The following RPIA variants were observed in gnomAD, a reference collection of about 807,000 sequenced individuals.
RPIA encodes ribose-5-phosphate isomerase.
RPIA carries 29 observed loss-of-function variants against 37.8 expected under a neutral mutation model. The observed-to-expected ratio is 0.77, with a 90% CI of 0.57 to 1.05. RPIA has a LOEUF of 1.05. Ranked by LOEUF, RPIA falls within the 50% of genes least tolerant of loss-of-function variation. The probability of loss-of-function intolerance (pLI) is 0.00; values close to 1 mark genes in which losing one functional copy is unlikely to be tolerated. For synonymous variants in RPIA, 167 were observed against 157.0 expected (o/e 1.06, Z -0.48); for missense variants, 385 against 413.6 (o/e 0.93, Z 0.60).
rs1673335945 is a variant in RPIA, at chr2:88,737,978, G to T, written c.740G>T (p.Gly247Val). 1.2e-6 allele frequency: 2 copies of T among 1,611,878 alleles called. No individual in the cohort carries two copies. The highest frequency in any genetic ancestry group is 1.7e-6 in the Non-Finnish European group (2 of 1,178,134). ...VELRMAVNKA[G>V]PVVTDNGNFI... ...TCACTGTGGAAAATTATCTTCTAGG[G>T]TCCTGTGGTGACAGATAATGGGAAT... Residue 247 changes from glycine to valine, a missense_variant and splice_region_variant, in exon 8 of 9, where the codon GGT becomes GTT. By Grantham distance (109) the Gly-to-Val change is moderately radical (BLOSUM62 -3). This residue lies in a region of RPIA where 153 missense variants were observed against 210.6 expected (regional missense o/e 0.73). Coordinates refer to ENST00000283646, the MANE Select transcript of RPIA (RefSeq NM_144563.3).
chr2:88,750,532 C>T lies in RPIA; in HGVS notation c.*454C>T. On this transcript the variant is annotated 3_prime_UTR_variant, in exon 9 of 9. Coordinates refer to ENST00000283646, the MANE Select transcript of RPIA (RefSeq NM_144563.3). ...CTTACTGGAAACTTTGTTTACTTGT[C>T]TGCTACCCTCTGATTTGTTTTTAGT... is the stretch of plus-strand genomic sequence containing the variant. 1 of 417,700 alleles carries T rather than the reference C, an allele frequency of 2.4e-6. No individual in the cohort carries two copies. Among genetic ancestry groups the T allele is most frequent in the Non-Finnish European group, 4.2e-6 (1 of 236,908 alleles). The allele number at this position is 417,700 out of a possible 1,614,324, so 25.9% of individuals were successfully genotyped here.
intron 3 of RPIA, among the ~76,000 whole-genome samples, chr2:88,710,694 G>A (rs765087795): frequency 4.6e-5 from 7 of 152,162 alleles, no homozygotes; most frequent in Non-Finnish European, 8.8e-5. Flanking sequence ...AAGATGAGGT[G>A]CTATAATTTT....
At chr2:88,747,385 G>GC (rs1673450391) in intron 8 of RPIA, among the ~76,000 whole-genome samples, 1 of 152,158 alleles carries the variant, frequency 6.6e-6, no homozygotes, top group South Asian at 2.1e-4. Flanking sequence ...CTCAGGCCTC[G>GC]CCCCTCCCTG....
intron 3 of RPIA, among the ~76,000 whole-genome samples, chr2:88,710,899 C>T (rs1203156784): frequency 6.6e-6 from 1 of 152,218 alleles, no homozygotes; most frequent in African/African-American, 2.4e-5. Flanking sequence ...TCTGCTCACC[C>T]CTGAGCTGGT....
rs374258361 is a variant in RPIA at position 88,691,841 on chromosome 2, A to G, written c.143A>G (p.Gln48Arg). The G allele has an allele frequency of 1.6e-5, 25 of 1,599,154 alleles. No individual in the cohort carries two copies. Among genetic ancestry groups the G allele is most frequent in the Non-Finnish European group, 1.6e-5 (19 of 1,174,476 alleles). ...CACGTGCGGCTGCCGGGGCGTGCAC[A>G]GTCTGGGACCCGTGGCGGTGCTGGC... Reference protein sequence around the residue: ...GSHVRLPGRAQSGTRGGAGNT... With the variant: ...GSHVRLPGRARSGTRGGAGNT... Residue 48 changes from glutamine to arginine, a missense_variant, in exon 1 of 9, where the codon CAG becomes CGG. Physicochemically the swap from Gln to Arg is conservative, Grantham distance 43. This residue lies in a region of RPIA where 232 missense variants were observed against 203.0 expected (regional missense o/e 1.14). Transcript: ENST00000283646.
At chr2:88,738,980 T>C (rs17037558) in intron 8 of RPIA, among the ~76,000 whole-genome samples, 9,779 of 152,126 alleles carry the variant, frequency 0.064, 559 homozygotes, top group African/African-American at 0.15. Flanking sequence ...CTTGGGGAGC[T>C]TCTAATGCAG....
At chr2:88,734,407 T>C (rs1673290190) in intron 4 of RPIA, 145 bp from the exon 5 acceptor site, 4 of 770,286 alleles carry the variant, frequency 5.2e-6, no homozygotes, top group Middle Eastern at 2.5e-4. Context: ...TAACCTCTTG[T>C]AGCTCAATTT....
intron 4 of RPIA, among the ~76,000 whole-genome samples, chr2:88,732,797 A>T (rs867798260): frequency 2.0e-5 from 3 of 151,786 alleles, no homozygotes; most frequent in Admixed American, 6.6e-5. Flanking sequence ...TGTGGTAAAG[A>T]CTAACACAGG....
chr2:88,706,025 A>T (rs983225227), intron 3 of RPIA, among the ~76,000 whole-genome samples: 8 of 152,362 alleles, frequency 5.3e-5, no homozygotes, highest in Admixed American at 3.9e-4. Flanking sequence ...CATGCTGGTC[A>T]GAATGGCGAT....
chr2:88,726,172 G>A (rs1432819210), intron 3 of RPIA, among the ~76,000 whole-genome samples: 2 of 152,102 alleles, frequency 1.3e-5, no homozygotes, highest in East Asian at 1.9e-4. Context: ...AGTGCTCACC[G>A]ACCAGGCCCT....
chr2:88,728,530 A>G (rs1673225874), intron 3 of RPIA, among the ~76,000 whole-genome samples: 1 of 152,224 alleles, frequency 6.6e-6, no homozygotes, highest in Non-Finnish European at 1.5e-5. Flanking sequence ...ATTATAAGCA[A>G]TGACATGAAC....
At chr2:88,706,964 T>C (rs1028439751) in intron 3 of RPIA, among the ~76,000 whole-genome samples, 3 of 152,258 alleles carry the variant, frequency 2.0e-5, no homozygotes, top group Non-Finnish European at 2.9e-5. Flanking sequence ...TGAATTAAGC[T>C]ACATATTCTT....
Position 88,729,309 on chromosome 2 carries a change from C to A in RPIA, c.434C>A (p.Thr145Asn), listed in dbSNP as rs1286053806. The A allele has an allele frequency of 4.3e-6, 7 of 1,614,162 alleles. No homozygotes were observed. The highest frequency in any genetic ancestry group is 5.9e-6 in the Non-Finnish European group (7 of 1,180,026). The part of the protein sequence containing the change: ...ARQLILQYGL[T>N]LSDLDRHPEI... ...CAGCTCATCCTGCAGTATGGCTTGA[C>A]CCTCAGTGATCTGGATCGACACCCA... Residue 145 changes from threonine to asparagine, a missense_variant, in exon 4 of 9, where the codon ACC becomes AAC. By Grantham distance (65) the Thr-to-Asn change is moderately conservative (BLOSUM62 0). This residue lies in a region of RPIA where 232 missense variants were observed against 203.0 expected (regional missense o/e 1.14). Coordinates refer to ENST00000283646, the MANE Select transcript of RPIA (RefSeq NM_144563.3).
Position 88,750,091 on chromosome 2 carries a change from CAG to C in RPIA, c.*16_*17del. 5.7e-6 allele frequency: 9 copies of C among 1,585,300 alleles called. No homozygotes were observed. The Admixed American group carries it at 1.5e-4, about 27-fold the overall frequency. ...GCCTTTCTGTTGACCCTGCAAGGAGCAGAGTGTGTTCACCTTGAGTCTCCAGC... is the reference window on the plus strand; with the variant it reads ...GCCTTTCTGTTGACCCTGCAAGGAGCAGTGTGTTCACCTTGAGTCTCCAGC... On this transcript the variant is annotated 3_prime_UTR_variant, in exon 9 of 9. Transcript: ENST00000283646.
At chr2:88,737,438 C>T (rs930739726) in intron 7 of RPIA, among the ~76,000 whole-genome samples, 9 of 152,162 alleles carry the variant, frequency 5.9e-5, no homozygotes, top group African/African-American at 9.7e-5. Context: ...CTCTGACTGA[C>T]GTTCAGATTG....
rs1425978424 is a variant in RPIA, at chr2:88,727,711, A to ATC, written c.403-1557_403-1556dup. Among the ~76,000 whole-genome samples the ATC allele has an allele frequency of 2.0e-5, 3 of 152,154 alleles. No individual in the cohort carries two copies. The East Asian group carries it at 5.8e-4, about 29-fold the overall frequency. On this transcript the variant is annotated intron_variant, in intron 3 of 8. Transcript: ENST00000283646. ...CATCCATGTTCCTGAAAAGGACGTG[A>ATC]TCTCTCTCTCTTTTTGTTTTTAACG...
At chr2:88,701,548 C>A (rs1672831919) in intron 3 of RPIA, among the ~76,000 whole-genome samples, 1 of 152,274 alleles carries the variant, frequency 6.6e-6, no homozygotes, top group African/African-American at 2.4e-5. Flanking sequence ...ACTCTTATTA[C>A]CTCCCACCCC....
In RPIA at chr2:88,691,909, G is replaced by A; in HGVS notation, c.211G>A (p.Ala71Thr). 1.3e-6 allele frequency: 2 copies of A among 1,594,550 alleles called. No individual in the cohort carries two copies. The highest frequency in any genetic ancestry group is 1.8e-5 in the Admixed American group (1 of 56,722). The change falls in exon 1 of 9, where the codon GCC becomes ACC. Residue 71 changes from alanine (A) to threonine (T), a missense_variant. Ala to Thr is a moderately conservative substitution (Grantham distance 58). Transcript: ENST00000283646. ...SCGDSNSICP[A>T]PSTMSKAEEA... is the part of the protein sequence containing the mutation. ...CGGGGACTCCAACAGCATCTGCCCG[G>A]CCCCCTCCACGATGTCCAAGGCCGA...
chr2:88,736,712 G>A (rs771657426), intron 7 of RPIA, 36 bp downstream of exon 7: 13 of 1,593,238 alleles, frequency 8.2e-6, no homozygotes, highest in Non-Finnish European at 1.1e-5. Flanking sequence ...TGTGCTGGGT[G>A]CACTCAGGTT....
Sources: allele counts gnomAD v4.1 joint callset (sites outside exome capture counted in the v4.1 genomes callset), GRCh38; gene constraint gnomAD v4.1.1; regional missense constraint gnomAD v4.1.1; transcripts MANE v1.5; gene names NCBI Gene and HGNC (gene_info 2026-07-23, HGNC 2026-07-21).